Variants in MYRIP observed in about 807,000 individuals in gnomAD.
MYRIP encodes myosin VIIA and Rab interacting protein.
In MYRIP, 49 loss-of-function variants were observed where a neutral mutation model predicts 98.0. That is an observed-to-expected ratio of 0.50 (90% CI 0.40 to 0.63). MYRIP has a LOEUF of 0.63. MYRIP is among the 30% of genes least tolerant of loss of function. The pLI, the probability that MYRIP is intolerant of heterozygous loss-of-function variation, is 0.00. For synonymous variants in MYRIP, 404 were observed against 409.5 expected (o/e 0.99, Z 0.16); for missense variants, 1,004 against 1,058.2 (o/e 0.95, Z 0.71).
intron 16 of MYRIP, among the ~76,000 whole-genome samples, chr3:40,256,832 T>C: frequency 6.6e-6 from 1 of 152,006 alleles, no homozygotes; most frequent in East Asian, 1.9e-4. Context: ...TATTGAAAAC[T>C]AAAAGATTCA....
In MYRIP at chr3:40,022,138, A is replaced by T. The variant is rs185087377; in HGVS notation, c.111-21912A>T. Among the ~76,000 whole-genome samples the T allele has an allele frequency of 3.3e-4, 50 of 152,270 alleles. 1 individual carries two copies. Among genetic ancestry groups the T allele is most frequent in the African/African-American group, 9.9e-4 (41 of 41,570 alleles). ...CATGCTTTATCATAATCTCTTGCCC[A>T]TTGGTTGAACTTGTATTTGAGGAGA... is the stretch of plus-strand genomic sequence containing the variant. On this transcript the variant is annotated intron_variant, in intron 2 of 16. Coordinates refer to ENST00000302541, the MANE Select transcript of MYRIP (RefSeq NM_015460.4).
intron 2 of MYRIP, among the ~76,000 whole-genome samples, chr3:39,993,935 T>C (rs957296929): frequency 6.6e-6 from 1 of 152,250 alleles, no homozygotes; most frequent in East Asian, 1.9e-4. Flanking sequence ...CTTTCAATCA[T>C]GTTTCCACTG....
intron 2 of MYRIP, among the ~76,000 whole-genome samples, chr3:39,948,724 T>A (rs1173529296): frequency 6.6e-6 from 1 of 151,890 alleles, no homozygotes; most frequent in African/African-American, 2.4e-5. Context: ...AAAGAATAGA[T>A]TAGAGCAATA....
chr3:40,166,592 A>G (rs1950504603), intron 5 of MYRIP, among the ~76,000 whole-genome samples: 1 of 152,162 alleles, frequency 6.6e-6, no homozygotes. Flanking sequence ...TTATGGAGCA[A>G]GAGTCTAGGA....
intron 3 of MYRIP, among the ~76,000 whole-genome samples, chr3:40,150,403 A>G (rs1293029034): frequency 6.6e-6 from 1 of 152,194 alleles, no homozygotes; most frequent in Non-Finnish European, 1.5e-5. Context: ...AATCTTGCCA[A>G]TGTTTTGTAC....
intron 2 of MYRIP, among the ~76,000 whole-genome samples, chr3:40,029,772 T>G (rs967162632): frequency 1.3e-5 from 2 of 151,978 alleles, no homozygotes; most frequent in African/African-American, 4.8e-5. Flanking sequence ...AATATAGAAA[T>G]GGGCCACCTG....
At chr3:39,924,769 C>T (rs1194061123) in intron 2 of MYRIP, among the ~76,000 whole-genome samples, 1 of 151,930 alleles carries the variant, frequency 6.6e-6, no homozygotes, top group Admixed American at 6.6e-5. Context: ...AGAGCGTGTT[C>T]TCTACAATAT....
chr3:39,914,256 T>C (rs544166620), intron 2 of MYRIP, among the ~76,000 whole-genome samples: 6 of 152,290 alleles, frequency 3.9e-5, no homozygotes, highest in East Asian at 3.9e-4. Flanking sequence ...TAACATTAAT[T>C]AGGGCCTGTT....
At chr3:40,243,913 CT>C (rs1414284572) in intron 12 of MYRIP, among the ~76,000 whole-genome samples, 3 of 152,174 alleles carry the variant, frequency 2.0e-5, no homozygotes, top group Non-Finnish European at 4.4e-5. Context: ...AAATATTTTT[CT>C]ATTACAAACT....
intron 1 of MYRIP, among the ~76,000 whole-genome samples, chr3:39,894,084 ATTTT>A (rs1943548633): frequency 6.6e-6 from 1 of 152,120 alleles, no homozygotes; most frequent in African/African-American, 2.4e-5. Context: ...ACTGTTGGTA[ATTTT>A]TTTGTGATTT....
intron 1 of MYRIP, among the ~76,000 whole-genome samples, chr3:39,856,304 C>T (rs79646122): frequency 6.7e-4 from 101 of 151,808 alleles, no homozygotes; most frequent in African/African-American, 2.4e-3. Context: ...CTACATGCTG[C>T]TCTGTTCATA....
In MYRIP at chr3:40,150,136, G is replaced by A. The variant is rs533558254; in HGVS notation, c.333-912G>A. Among the ~76,000 whole-genome samples, 50 of 152,120 alleles carry A rather than the reference G, an allele frequency of 3.3e-4. 1 individual carries two copies. The South Asian group carries it at 1.0e-2, about 30-fold the overall frequency. On this transcript the variant is annotated intron_variant, in intron 3 of 16. Coordinates refer to ENST00000302541, the MANE Select transcript of MYRIP (RefSeq NM_015460.4). ...CTCACTCTGTCGCCCAGGCTGGAGG[G>A]CAGTGGTGCTGTGGTGCTGTCTTGG...
At chr3:40,136,064 C>G (rs911626908) in intron 3 of MYRIP, among the ~76,000 whole-genome samples, 11 of 152,152 alleles carry the variant, frequency 7.2e-5, no homozygotes, top group African/African-American at 2.7e-4. Context: ...GGGCTAAATG[C>G]TCCAACTAAA....
chr3:40,001,546 C>A lies in MYRIP; in HGVS notation c.111-42504C>A, dbSNP rs189421221. On this transcript the variant is annotated intron_variant, in intron 2 of 16. Transcript: ENST00000302541. Reference sequence around the variant, plus strand: ...GGAATCATTCAAGTCTTTCACCTTTCGAGTTAGAGAACCACATAATAGTAA... The same window carrying A: ...GGAATCATTCAAGTCTTTCACCTTTAGAGTTAGAGAACCACATAATAGTAA... Among the ~76,000 whole-genome samples, 3 of 152,182 alleles carry A rather than the reference C, an allele frequency of 2.0e-5. 1 individual carries two copies. Among genetic ancestry groups the A allele is most frequent in the Non-Finnish European group, 4.4e-5 (3 of 68,036 alleles).
chr3:40,118,014 C>A (rs1949319036), intron 3 of MYRIP, among the ~76,000 whole-genome samples: 1 of 108,540 alleles, frequency 9.2e-6, no homozygotes, highest in South Asian at 2.7e-4. Context: ...AATACTCCTA[C>A]AAATCCAAAA....
chr3:39,867,306 AT>A (rs1244322306), intron 1 of MYRIP, among the ~76,000 whole-genome samples: 12 of 152,348 alleles, frequency 7.9e-5, no homozygotes, highest in East Asian at 7.7e-4. Flanking sequence ...CAACAAAAAA[AT>A]AAACATGTTG....
At chr3:39,975,051 C>G (rs973877838) in intron 2 of MYRIP, among the ~76,000 whole-genome samples, 2 of 152,114 alleles carry the variant, frequency 1.3e-5, no homozygotes, top group African/African-American at 4.8e-5. Context: ...CCAGGGCAAT[C>G]AGGCAGGAGA....
chr3:40,070,007 T>C (rs1159242872), intron 3 of MYRIP, among the ~76,000 whole-genome samples: 5 of 152,156 alleles, frequency 3.3e-5, no homozygotes, highest in African/African-American at 1.2e-4. Flanking sequence ...AAAAGATACA[T>C]AGACATAAAT....
intron 2 of MYRIP, among the ~76,000 whole-genome samples, chr3:39,959,027 A>G (rs1945249497): frequency 6.6e-6 from 1 of 152,152 alleles, no homozygotes; most frequent in Non-Finnish European, 1.5e-5. Context: ...TCAGGAAACA[A>G]CAGGTGCTGG....
Sources: gnomAD v4.1 joint callset for allele counts (sites outside exome capture counted in the v4.1 genomes callset) on GRCh38, gnomAD v4.1.1 for gene constraint, MANE v1.5 for transcripts, NCBI Gene and HGNC (gene_info 2026-07-23, HGNC 2026-07-21) for gene names.